Variants in RAB2A observed in about 807,000 individuals in gnomAD.
The protein encoded by RAB2A is RAB2A, member RAS oncogene family.
A neutral mutation model predicts 32.5 loss-of-function variants in RAB2A; 7 were observed. That is an observed-to-expected ratio of 0.22 (90% CI 0.12 to 0.40). RAB2A has a LOEUF of 0.40. RAB2A is among the 10% of genes least tolerant of loss of function. The pLI is 1.00. For synonymous variants in RAB2A, 79 were observed against 85.2 expected, an observed-to-expected ratio of 0.93 and a Z score of 0.40; for missense variants, 108 against 260.7, an observed-to-expected ratio of 0.41 and a Z score of 4.03.
intron 1 of RAB2A, among the ~76,000 whole-genome samples, chr8:60,522,475 T>C (rs538545525): frequency 2.5e-4 from 38 of 152,182 alleles, no homozygotes; most frequent in Non-Finnish European, 3.5e-4. Context: ...GAGTTGGTGT[T>C]GGTGAAATGG....
intron 1 of RAB2A, among the ~76,000 whole-genome samples, chr8:60,534,555 C>T (rs957237396): frequency 6.6e-6 from 1 of 152,200 alleles, no homozygotes; most frequent in Non-Finnish European, 1.5e-5. Context: ...AATTGTCCAC[C>T]TAATCAGTAG....
intron 6 of RAB2A, among the ~76,000 whole-genome samples, chr8:60,605,836 T>A (rs1327266502): frequency 7.1e-6 from 1 of 141,476 alleles, no homozygotes; most frequent in Non-Finnish European, 1.5e-5. Flanking sequence ...CTAATACATA[T>A]ATACATATAT....
intron 1 of RAB2A, among the ~76,000 whole-genome samples, chr8:60,527,478 A>G (rs1183018248): frequency 6.6e-6 from 1 of 152,256 alleles, no homozygotes; most frequent in East Asian, 1.9e-4. Flanking sequence ...CACCTTCTTC[A>G]CAAGGCGGCA....
intron 2 of RAB2A, among the ~76,000 whole-genome samples, chr8:60,568,945 G>T (rs1357302053): frequency 2.6e-5 from 4 of 152,162 alleles, no homozygotes; most frequent in African/African-American, 9.7e-5. Flanking sequence ...TAAGGAAAAT[G>T]ATTTTAAAAT....
intron 6 of RAB2A, among the ~76,000 whole-genome samples, chr8:60,605,163 G>A (rs1178536058): frequency 6.6e-6 from 1 of 152,170 alleles, no homozygotes; most frequent in African/African-American, 2.4e-5. Flanking sequence ...GAAGAGCTCG[G>A]GACACTGTTT....
rs531153519 is a variant in RAB2A, at chr8:60,623,213, T to C, written c.*2444T>C. 6.6e-6 allele frequency: 1 copy of C among 152,354 alleles called. No homozygotes were observed. Among genetic ancestry groups the C allele is most frequent in the Non-Finnish European group, 1.5e-5 (1 of 68,040 alleles). 9.4% of individuals were successfully genotyped at this position (152,354 alleles called of 1,614,324 possible). The stretch of plus-strand genomic sequence containing the variant: ...AAAGAATGTGGCATATAATTAGATA[T>C]ACAACTGAAACAGGATATACAACTG... On this transcript the variant is annotated 3_prime_UTR_variant, in exon 8 of 8. Coordinates refer to ENST00000262646, the MANE Select transcript of RAB2A (RefSeq NM_002865.3).
chr8:60,552,159 C>T (rs1324017948), intron 1 of RAB2A, among the ~76,000 whole-genome samples: 2 of 151,560 alleles, frequency 1.3e-5, no homozygotes, highest in Non-Finnish European at 2.9e-5. Context: ...CCTGCCACCA[C>T]ATCCAGCTAC....
At chr8:60,561,136 G>T (rs1477124339) in intron 2 of RAB2A, among the ~76,000 whole-genome samples, 9 of 152,164 alleles carry the variant, frequency 5.9e-5, no homozygotes, top group African/African-American at 9.7e-5. Flanking sequence ...CCAGCCTAGG[G>T]GTGGTAGCAG....
intron 1 of RAB2A, among the ~76,000 whole-genome samples, chr8:60,530,071 G>A (rs555425452): frequency 6.6e-6 from 1 of 150,844 alleles, no homozygotes; most frequent in East Asian, 1.9e-4. Context: ...GGGCTCAAGG[G>A]ATCCTCCCAG....
intron 3 of RAB2A, among the ~76,000 whole-genome samples, chr8:60,577,430 G>A (rs1158249271): frequency 1.3e-5 from 2 of 152,064 alleles, no homozygotes; most frequent in Non-Finnish European, 2.9e-5. Flanking sequence ...TCCACCCATT[G>A]TTACTTTTCT....
chr8:60,536,906 T>G (rs1344303445), intron 1 of RAB2A, among the ~76,000 whole-genome samples: 1 of 152,222 alleles, frequency 6.6e-6, no homozygotes, highest in Admixed American at 6.5e-5. Flanking sequence ...ATTATTTATG[T>G]TAAAGTGCCA....
At chr8:60,522,851 T>C (rs1209662574) in intron 1 of RAB2A, among the ~76,000 whole-genome samples, 2 of 151,704 alleles carry the variant, frequency 1.3e-5, no homozygotes, top group East Asian at 3.9e-4. Context: ...ATCACTGGAG[T>C]GTTTGTTTAA....
chr8:60,593,236 A>G (rs1343060024), intron 6 of RAB2A, among the ~76,000 whole-genome samples: 1 of 152,216 alleles, frequency 6.6e-6, no homozygotes, highest in Non-Finnish European at 1.5e-5. Flanking sequence ...CATAGAGTGT[A>G]CTTACATAAG....
At chr8:60,590,616 G>A (rs1272820061) in intron 5 of RAB2A, among the ~76,000 whole-genome samples, 1 of 145,062 alleles carries the variant, frequency 6.9e-6, no homozygotes, top group African/African-American at 2.5e-5. Context: ...TATATATAAT[G>A]CTTATTGTAA....
intron 1 of RAB2A, among the ~76,000 whole-genome samples, chr8:60,541,975 C>T (rs1321677303): frequency 6.6e-6 from 1 of 152,150 alleles, no homozygotes; most frequent in Non-Finnish European, 1.5e-5. Flanking sequence ...TATACATTCA[C>T]AGGCAGAAAA....
intron 1 of RAB2A, among the ~76,000 whole-genome samples, chr8:60,539,707 G>A (rs760964773): frequency 6.6e-6 from 1 of 152,180 alleles, no homozygotes; most frequent in Non-Finnish European, 1.5e-5. Flanking sequence ...CTGAGGAACT[G>A]GAAGAAAGTA....
chr8:60,618,548 A>G, intron 6 of RAB2A, 32 bp from the exon 7 acceptor site: 1 of 1,097,614 alleles, frequency 9.1e-7, no homozygotes, highest in Non-Finnish European at 1.2e-6. Flanking sequence ...CTTTGGTTTT[A>G]TATAATATGA....
chr8:60,587,151 G>A (rs1803864995), intron 5 of RAB2A, among the ~76,000 whole-genome samples: 2 of 152,076 alleles, frequency 1.3e-5, no homozygotes, highest in Non-Finnish European at 2.9e-5. Context: ...ATTTACTATT[G>A]TTTGGCATAA....
intron 6 of RAB2A, among the ~76,000 whole-genome samples, chr8:60,597,191 C>A (rs984861187): frequency 1.3e-5 from 2 of 152,090 alleles, no homozygotes; most frequent in African/African-American, 4.8e-5. Flanking sequence ...TGGAACCAAC[C>A]CAAATGCCCA....
Sources: allele counts gnomAD v4.1 joint callset (sites outside exome capture counted in the v4.1 genomes callset), GRCh38; gene constraint gnomAD v4.1.1; transcripts MANE v1.5; gene names NCBI Gene and HGNC (gene_info 2026-07-23, HGNC 2026-07-21).